Variants in C13orf42 observed in about 807,000 individuals in gnomAD.
The protein encoded by C13orf42 is chromosome 13 open reading frame 42, also known as uncharacterized protein C13orf42.
chr13:51,097,632 AGGT>A (rs1269927347), intron 1 of C13orf42, among the ~76,000 whole-genome samples: 2 of 152,156 alleles, frequency 1.3e-5, no homozygotes, highest in Non-Finnish European at 2.9e-5. Flanking sequence ...CTTTACAAAG[AGGT>A]GGTTGTGCAA....
At chr13:51,153,293 C>T (rs1953794642) in intron 1 of C13orf42, among the ~76,000 whole-genome samples, 2 of 152,026 alleles carry the variant, frequency 1.3e-5, no homozygotes, top group Admixed American at 6.6e-5. Context: ...CTTTTCCTGC[C>T]CTCCTCAGAG....
chr13:51,171,036 C>T (rs934097885), intron 1 of C13orf42, among the ~76,000 whole-genome samples: 1 of 152,022 alleles, frequency 6.6e-6, no homozygotes, highest in Admixed American at 6.5e-5. Flanking sequence ...TTTCCGTGCC[C>T]CAACCCCTTC....
At chr13:51,161,194 A>G (rs1309483595) in intron 1 of C13orf42, among the ~76,000 whole-genome samples, 1 of 132,354 alleles carries the variant, frequency 7.6e-6, no homozygotes, top group Non-Finnish European at 1.7e-5. Flanking sequence ...ACTAATTCAT[A>G]TAACATTTCC....
At chr13:51,123,814 G>A (rs1953555347) in intron 1 of C13orf42, among the ~76,000 whole-genome samples, 1 of 152,150 alleles carries the variant, frequency 6.6e-6, no homozygotes, top group South Asian at 2.1e-4. Context: ...AGACTTAACT[G>A]AGCCCATCTT....
intron 1 of C13orf42, among the ~76,000 whole-genome samples, chr13:51,148,898 G>C (rs565193133): frequency 6.6e-6 from 1 of 152,298 alleles, no homozygotes; most frequent in Non-Finnish European, 1.5e-5. Flanking sequence ...CACGGCTCAG[G>C]CTCCCTCTTG....
upstream of C13orf42, among the ~76,000 whole-genome samples, chr13:51,115,985 C>T (rs139054242): frequency 2.0e-5 from 3 of 152,120 alleles, no homozygotes; most frequent in African/African-American, 7.2e-5. Context: ...TCCCTGGGCT[C>T]GGCCCTCCAC....
chr13:51,102,138 A>G (rs1953300057), intron 1 of C13orf42, among the ~76,000 whole-genome samples: 1 of 152,192 alleles, frequency 6.6e-6, no homozygotes, highest in African/African-American at 2.4e-5. Flanking sequence ...CCTTTCAACT[A>G]TGTAAACCAG....
intron 1 of C13orf42, among the ~76,000 whole-genome samples, chr13:51,152,279 G>A (rs9535585): frequency 0.1 from 15,883 of 152,214 alleles, 862 homozygotes; most frequent in Admixed American, 0.13. Flanking sequence ...CAGGCTGTAC[G>A]TCTCCTGTGG....
In C13orf42 at chr13:51,085,317, ACT is replaced by A. The variant is rs1953109751; in HGVS notation, c.803_803+1del. 2.5e-6 allele frequency: 1 copy of A among 398,038 alleles called. No homozygotes were observed. Among genetic ancestry groups the A allele is most frequent in the African/African-American group, 2.1e-5 (1 of 48,450 alleles). 24.7% of individuals were successfully genotyped at this position (398,038 alleles called of 1,614,324 possible). ...GTCATGCTATTTAGCCCAAGCACTT[ACT>A]CTTTTTTGCAGGCTTTGGGCTTAAA... On this transcript the variant is annotated splice_donor_variant and coding_sequence_variant, in exon 3 of 4. Coordinates refer to ENST00000563710, the MANE Select transcript of C13orf42 (RefSeq NM_001351589.3). LOFTEE classifies it high-confidence loss of function.
intron 1 of C13orf42, among the ~76,000 whole-genome samples, chr13:51,161,184 A>C: frequency 8.4e-6 from 1 of 119,622 alleles, no homozygotes; most frequent in Admixed American, 8.9e-5. Flanking sequence ...TAACAACTTC[A>C]CTAATTCATA....
intron 1 of C13orf42, among the ~76,000 whole-genome samples, chr13:51,136,287 C>A (rs1317287064): frequency 6.6e-6 from 1 of 152,148 alleles, no homozygotes; most frequent in African/African-American, 2.4e-5. Flanking sequence ...ACACAGATAA[C>A]CCCCAACCCA....
At chr13:51,146,347 T>C (rs1341283366) in intron 1 of C13orf42, among the ~76,000 whole-genome samples, 1 of 152,168 alleles carries the variant, frequency 6.6e-6, no homozygotes, top group Non-Finnish European at 1.5e-5. Context: ...CTACGGTCCA[T>C]GTGGAACAAA....
intron 1 of C13orf42, among the ~76,000 whole-genome samples, chr13:51,165,899 G>A (rs1292924260): frequency 6.6e-6 from 1 of 152,204 alleles, no homozygotes; most frequent in Non-Finnish European, 1.5e-5. Context: ...CTATGCAAAT[G>A]TAGAGACTCC....
At chr13:51,137,407 C>G (rs1953665648) in intron 1 of C13orf42, among the ~76,000 whole-genome samples, 1 of 152,208 alleles carries the variant, frequency 6.6e-6, no homozygotes, top group Non-Finnish European at 1.5e-5. Context: ...CTGTCACTCT[C>G]AAACAGGGCT....
intron 1 of C13orf42, among the ~76,000 whole-genome samples, chr13:51,154,831 C>T (rs1031796288): frequency 1.3e-5 from 2 of 152,084 alleles, no homozygotes; most frequent in Admixed American, 6.6e-5. Flanking sequence ...ATTGCACATT[C>T]GACGGTTTCT....
rs541076639 is a variant in C13orf42, at chr13:51,171,662, T to C, written n.136+591A>G. Among the ~76,000 whole-genome samples, 87 of 152,268 alleles carry C rather than the reference T, an allele frequency of 5.7e-4. 1 individual carries two copies. The highest frequency in any genetic ancestry group is 1.0e-3 in the Non-Finnish European group (70 of 68,026). ...TGGTCGGGCTTACAGTTTCGTTCGG[T>C]GACTAGCCCTCCCCCACCTGCCCAG... On this transcript the variant is annotated intron_variant and non_coding_transcript_variant, in intron 1 of 4. Coordinates refer to the C13orf42 transcript ENST00000433280.
At chr13:51,103,992 C>A (rs1029660928) in intron 1 of C13orf42, among the ~76,000 whole-genome samples, 1 of 152,084 alleles carries the variant, frequency 6.6e-6, no homozygotes, top group African/African-American at 2.4e-5. Context: ...GTACTTAATG[C>A]CACTGCATTG....
chr13:51,112,550 T>C (rs183320302), upstream of C13orf42, among the ~76,000 whole-genome samples: 19 of 152,354 alleles, frequency 1.2e-4, no homozygotes, highest in African/African-American at 4.6e-4. Flanking sequence ...GCCTGTGGCA[T>C]TCTAAGCACT....
intron 1 of C13orf42, among the ~76,000 whole-genome samples, chr13:51,120,665 C>T (rs766244802): frequency 2.4e-4 from 36 of 152,162 alleles, no homozygotes; most frequent in African/African-American, 4.6e-4. Context: ...GTTCTATTTT[C>T]GGTTCTGTCA....
Sources: gnomAD v4.1 joint callset for allele counts (sites outside exome capture counted in the v4.1 genomes callset) on GRCh38, gnomAD v4.1.1 for gene constraint, MANE v1.5 for transcripts, NCBI Gene and HGNC (gene_info 2026-07-23, HGNC 2026-07-21) for gene names.